The following XPA variants were observed in gnomAD, a reference collection of about 807,000 sequenced individuals.
XPA encodes DNA repair protein complementing XP-A cells.
In XPA, 27 loss-of-function variants were observed where a neutral mutation model predicts 35.7. The ratio of observed to expected loss-of-function variants is 0.76; its 90% CI spans 0.56 to 1.04. The LOEUF is 1.04. XPA is among the 50% of genes least tolerant of loss of function. The pLI, the probability that XPA is intolerant of heterozygous loss-of-function variation, is 0.00. For missense variants in XPA, 354 were observed against 342.7 expected (o/e 1.03, Z -0.26); for synonymous variants, 133 against 118.4 (o/e 1.12, Z -0.80).
At chr9:97,659,754 G>A in the XPA span, among the ~76,000 whole-genome samples, 7 of 152,154 alleles carry the variant, frequency 4.6e-5, no homozygotes. Context: ...TGTAGTCTTT[G>A]CTATCAGAAA....
At chr9:97,659,029 G>C in the XPA span, among the ~76,000 whole-genome samples, 1 of 152,222 alleles carries the variant, frequency 6.6e-6, no homozygotes, top group Non-Finnish European at 1.5e-5. Context: ...CTGAAAACGT[G>C]TATTTGTCAT....
intron 4 of XPA, 66 bp downstream of exon 4, chr9:97,687,030 A>G: frequency 2.0e-6 from 3 of 1,537,094 alleles, no homozygotes; most frequent in Non-Finnish European, 1.8e-6. Flanking sequence ...AGCCAAACCA[A>G]TTATGACTAG....
chr9:97,655,323 G>A, the XPA span, among the ~76,000 whole-genome samples: 1 of 152,114 alleles, frequency 6.6e-6, no homozygotes, highest in South Asian at 2.1e-4. Flanking sequence ...CAATCCTCCT[G>A]CCTTAGTCTC....
At position 97,697,314 on chromosome 9, in the gene XPA, T is replaced by A; in HGVS notation, c.-22A>T. On this transcript the variant is annotated 5_prime_UTR_variant, in exon 1 of 6. Transcript: ENST00000375128. ...CCATCTCTGGCCCACTCCGAGGACC[T>A]AGCTCCCAGCTCCACGCACGCGCAC... 1 of 1,596,926 alleles carries A rather than the reference T, an allele frequency of 6.3e-7. No individual in the cohort carries two copies. The highest frequency in any genetic ancestry group is 2.2e-5 in the East Asian group (1 of 44,764).
downstream of XPA, among the ~76,000 whole-genome samples, chr9:97,674,340 TACAC>T (rs762421726): frequency 6.6e-6 from 1 of 152,270 alleles, no homozygotes; most frequent in South Asian, 2.1e-4. Flanking sequence ...ACTTGAAAAA[TACAC>T]AAACATTTCT....
rs1564050421 is a variant in XPA at position 97,693,706 on chromosome 9, T to C, written c.226A>G (p.Ile76Val). ...TCTTCTTCTTCTTCCTCTTCTAAAATGAAGCCTCCTCCTGTGTCAATTATC... is the reference window on the plus strand; with the variant it reads ...TCTTCTTCTTCTTCCTCTTCTAAAACGAAGCCTCCTCCTGTGTCAATTATC... ...PKIIDTGGGF[I>V]LEEEEEEEQK... The change falls in exon 2 of 6, where the codon ATT becomes GTT. Residue 76 changes from isoleucine to valine, a missense_variant. Transcript: ENST00000375128. The C allele has an allele frequency of 6.2e-7, 1 of 1,613,568 alleles. No individual in the cohort carries two copies.
At chr9:97,656,177 A>T in the XPA span, 3 of 1,051,208 alleles carry the variant, frequency 2.9e-6, no homozygotes, top group Non-Finnish European at 4.2e-6. Context: ...TATTGGATTC[A>T]AAATCCACTT....
In XPA at chr9:97,675,691, T is replaced by C. The variant is rs1368436789; in HGVS notation, c.674-104A>G. 8.8e-6 allele frequency: 12 copies of C among 1,358,780 alleles called. No homozygotes were observed. In the South Asian group the frequency reaches 1.2e-4, roughly 13 times the overall value. 84.2% of individuals were successfully genotyped at this position (1,358,780 alleles called of 1,614,324 possible). ...AGCCATGTACATGTGTGTGTGTCTA[T>C]GTGTATTTAAACCATATATAGTTTA... On this transcript the variant is annotated intron_variant, in intron 5 of 5. Transcript: ENST00000375128.
chr9:97,666,037 C>A, the XPA span, among the ~76,000 whole-genome samples: 4 of 152,032 alleles, frequency 2.6e-5, no homozygotes. Flanking sequence ...GGAAGAAAAC[C>A]CATGTGTAAA....
At chr9:97,660,349 T>G in the XPA span, among the ~76,000 whole-genome samples, 1 of 152,208 alleles carries the variant, frequency 6.6e-6, no homozygotes, top group Non-Finnish European at 1.5e-5. Context: ...GCACAAATTT[T>G]TATAATAAGG....
chr9:97,690,006 C>A (rs757087146), intron 2 of XPA, among the ~76,000 whole-genome samples: 2 of 152,138 alleles, frequency 1.3e-5, no homozygotes, highest in Non-Finnish European at 2.9e-5. Context: ...AGGCTAAAAT[C>A]AAGGTGTTGG....
chr9:97,685,122 A>C (rs945505752), intron 4 of XPA, 82 bp from the exon 5 acceptor site: 18 of 1,113,820 alleles, frequency 1.6e-5, no homozygotes, highest in Non-Finnish European at 2.3e-5. Flanking sequence ...ATCCAAAGGT[A>C]CCAAAGAATG....
chr9:97,693,475 TTTGA>T (rs1488120319), intron 2 of XPA, among the ~76,000 whole-genome samples, 170 bp downstream of exon 2: 6 of 152,200 alleles, frequency 3.9e-5, no homozygotes, highest in African/African-American at 1.2e-4. Flanking sequence ...TGGCTGTTTC[TTTGA>T]TTGTTTTTTT....
chr9:97,678,516 A>G (rs1235655740), intron 5 of XPA, among the ~76,000 whole-genome samples: 2 of 152,208 alleles, frequency 1.3e-5, no homozygotes, highest in African/African-American at 4.8e-5. Context: ...AAATGAACCA[A>G]AGCCACTGGA....
rs1828747730 is a variant in XPA at position 97,687,225 on chromosome 9, T to C, written c.426A>G (p.Thr142=). 3.1e-6 allele frequency: 5 copies of C among 1,610,598 alleles called. No homozygotes were observed. The Admixed American group carries it at 6.7e-5, about 22-fold the overall frequency. Residue 142 remains threonine (T), a synonymous_variant, in exon 4 of 6, where the codon ACA becomes ACG. Transcript: ENST00000375128. ...ADDKHKLITK[T]EAKQEYLLKD... is the part of the protein sequence containing the mutation. Reference sequence around the variant, plus strand: ...TCAGAAGATATTCTTGTTTTGCCTCTGTTTTGGTTATAAGCTTGTGTTTAT... The same window carrying C: ...TCAGAAGATATTCTTGTTTTGCCTCCGTTTTGGTTATAAGCTTGTGTTTAT...
At chr9:97,664,544 T>G in the XPA span, 1 of 732,380 alleles carries the variant, frequency 1.4e-6, no homozygotes, top group African/African-American at 1.8e-5. Flanking sequence ...CAGGTTGATA[T>G]TAATATACTA....
At chr9:97,664,246 C>T in the XPA span, 1 of 714,560 alleles carries the variant, frequency 1.4e-6, no homozygotes, top group East Asian at 2.8e-5. Context: ...TTTTATAGCC[C>T]TCCTATTTTA....
Position 97,677,428 on chromosome 9 carries a change from G to C in XPA, c.674-1841C>G, listed in dbSNP as rs533835763. Among the ~76,000 whole-genome samples the C allele has an allele frequency of 3.9e-5, 6 of 152,268 alleles. No homozygotes were observed. The East Asian group carries it at 7.7e-4, about 20-fold the overall frequency. On this transcript the variant is annotated intron_variant, in intron 5 of 5. Coordinates refer to ENST00000375128, the MANE Select transcript of XPA (RefSeq NM_000380.4). ...GGGCCAGGTGCAATGGCTCATGCCT[G>C]TAATCCCAGCACTTTGGGAGGATTA...
chr9:97,684,401 T>C (rs1039439011), intron 5 of XPA, among the ~76,000 whole-genome samples: 32 of 152,192 alleles, frequency 2.1e-4, no homozygotes, highest in Admixed American at 6.5e-4. Flanking sequence ...ATGGAGACTT[T>C]CAGTCAAAAA....
Sources: allele counts gnomAD v4.1 joint callset (sites outside exome capture counted in the v4.1 genomes callset), GRCh38; gene constraint gnomAD v4.1.1; transcripts MANE v1.5; gene names NCBI Gene and HGNC (gene_info 2026-07-23, HGNC 2026-07-21).